The following GDPD4 variants were observed in gnomAD, a reference collection of about 807,000 sequenced individuals.
The protein encoded by GDPD4 is glycerophosphodiester phosphodiesterase 6.
A neutral mutation model predicts 67.8 loss-of-function variants in GDPD4; 60 were observed. The observed-to-expected ratio is 0.88, with a 90% confidence interval of 0.72 to 1.10. The LOEUF (loss-of-function observed/expected upper bound fraction) is 1.10, where lower values mean the gene tolerates loss of function less well. GDPD4 is among the 50% of genes least tolerant of loss of function. The pLI, the probability that GDPD4 is intolerant of heterozygous loss-of-function variation, is 0.00. For missense variants in GDPD4, 623 were observed against 613.9 expected, an observed-to-expected ratio of 1.01 and a Z score of -0.16; for synonymous variants, 212 against 210.9, an observed-to-expected ratio of 1.00 and a Z score of -0.04.
chr11:77,216,946 G>A lies in GDPD4; in HGVS notation c.*331C>T, dbSNP rs1304116356. The A allele has an allele frequency of 1.3e-5, 9 of 702,456 alleles. No homozygotes were observed. The highest frequency in any genetic ancestry group is 3.0e-5 in the South Asian group (2 of 67,574). The allele number at this position is 702,456 out of a possible 1,614,324, so 43.5% of individuals were successfully genotyped here. On this transcript the variant is annotated 3_prime_UTR_variant, in exon 17 of 17. Transcript: ENST00000315938. ...CTTAGAGGTCTCTTATTTAAGGATAGGGGACCTCTATGGAGGGCATGGTTG... is the reference window on the plus strand; with the variant it reads ...CTTAGAGGTCTCTTATTTAAGGATAAGGGACCTCTATGGAGGGCATGGTTG...
intron 10 of GDPD4, among the ~76,000 whole-genome samples, chr11:77,261,133 A>AT (rs1959107722): frequency 6.6e-6 from 1 of 152,032 alleles, no homozygotes; most frequent in Non-Finnish European, 1.5e-5. Flanking sequence ...TTACTACTAT[A>AT]TTTTTCCTGC....
chr11:77,296,880 T>A (rs1937985635), intron 1 of GDPD4, among the ~76,000 whole-genome samples: 1 of 149,914 alleles, frequency 6.7e-6, no homozygotes, highest in African/African-American at 2.5e-5. Context: ...CAGGTGAAAC[T>A]CCGTCTCTAC....
At chr11:77,218,840 C>T (rs540541327) in intron 16 of GDPD4, among the ~76,000 whole-genome samples, 5 of 25,942 alleles carry the variant, frequency 1.9e-4, no homozygotes, top group African/African-American at 3.9e-4. Flanking sequence ...AATAGTGCCG[C>T]AATAAACAAT....
chr11:77,246,213 G>A (rs1958782944), intron 11 of GDPD4, among the ~76,000 whole-genome samples: 1 of 152,184 alleles, frequency 6.6e-6, no homozygotes, highest in Non-Finnish European at 1.5e-5. Flanking sequence ...TTGAGCCCAG[G>A]AGTTTGAGGC....
At chr11:77,281,423 AAG>A (rs1408067385) in intron 3 of GDPD4, among the ~76,000 whole-genome samples, 2 of 152,198 alleles carry the variant, frequency 1.3e-5, no homozygotes, top group Non-Finnish European at 2.9e-5. Context: ...CAGAGGGGAA[AAG>A]AGAGAGTTAC....
chr11:77,233,193 AC>A, intron 13 of GDPD4, 21 bp from the exon 14 acceptor site: 1 of 1,608,560 alleles, frequency 6.2e-7, no homozygotes, highest in Non-Finnish European at 8.5e-7. Flanking sequence ...AACAGAACCC[AC>A]AGGGGATTTA....
intron 15 of GDPD4, 31 bp from the exon 16 acceptor site, chr11:77,227,947 AG>A (rs1447383920): frequency 2.0e-6 from 3 of 1,469,514 alleles, no homozygotes; most frequent in African/African-American, 1.4e-5. Context: ...CATGAAATGA[AG>A]GGGTCTAAAG....
chr11:77,245,268 G>C lies in GDPD4; in HGVS notation c.1086+13C>G. Reference sequence around the variant, plus strand: ...CCTCCCAACCTATGTCATAAATACTGAGATAGACTTACCAGATGTTGCTCG... The same window carrying C: ...CCTCCCAACCTATGTCATAAATACTCAGATAGACTTACCAGATGTTGCTCG... On this transcript the variant is annotated intron_variant, in intron 12 of 16. Coordinates refer to ENST00000315938, the MANE Select transcript of GDPD4 (RefSeq NM_182833.3). The C allele has an allele frequency of 6.2e-7, 1 of 1,606,548 alleles. No individual in the cohort carries two copies. Among genetic ancestry groups the C allele is most frequent in the Non-Finnish European group, 8.5e-7 (1 of 1,173,180 alleles).
At chr11:77,230,705 T>C (rs1565509823) in intron 14 of GDPD4, among the ~76,000 whole-genome samples, 1 of 152,192 alleles carries the variant, frequency 6.6e-6, no homozygotes, top group Non-Finnish European at 1.5e-5. Context: ...AGTATGTATG[T>C]GGCATACTGT....
chr11:77,227,951 G>A, intron 15 of GDPD4, 35 bp from the exon 16 acceptor site: 1 of 1,442,344 alleles, frequency 6.9e-7, no homozygotes, highest in Non-Finnish European at 9.8e-7. Flanking sequence ...AAATGAAGGG[G>A]TCTAAAGAAT....
intron 11 of GDPD4, among the ~76,000 whole-genome samples, chr11:77,254,372 G>A (rs1958962404): frequency 6.6e-6 from 1 of 152,106 alleles, no homozygotes; most frequent in African/African-American, 2.4e-5. Flanking sequence ...TCTCTATGTG[G>A]GTCTCCTGAG....
chr11:77,299,514 T>C (rs1232482060), intron 1 of GDPD4, among the ~76,000 whole-genome samples: 1 of 152,234 alleles, frequency 6.6e-6, no homozygotes, highest in African/African-American at 2.4e-5. Flanking sequence ...TCCTAGAGCG[T>C]ATGTTCCACA....
At chr11:77,260,384 A>C (rs924959390) in intron 10 of GDPD4, among the ~76,000 whole-genome samples, 7 of 152,216 alleles carry the variant, frequency 4.6e-5, no homozygotes, top group African/African-American at 1.7e-4. Context: ...GATCCTCTAA[A>C]AAAGAGCTTA....
rs975557314 is a variant in GDPD4, at chr11:77,254,595, T to C, written c.864+3791A>G. ...CCTTCATTAATGTGATAAATAAAAC[T>C]TGTACTCATGCCAACTATGTATCTG... On this transcript the variant is annotated intron_variant, in intron 11 of 16. Coordinates refer to ENST00000315938, the MANE Select transcript of GDPD4 (RefSeq NM_182833.3). Among the ~76,000 whole-genome samples, 4 of 152,226 alleles carry C rather than the reference T, an allele frequency of 2.6e-5. No homozygotes were observed. In the East Asian group the frequency reaches 5.8e-4, roughly 22 times the overall value.
intron 16 of GDPD4, among the ~76,000 whole-genome samples, chr11:77,222,026 T>C (rs181436896): frequency 0.072 from 10,887 of 152,208 alleles, 1,349 homozygotes; most frequent in African/African-American, 0.25. Flanking sequence ...AAGTCTGTTT[T>C]ATCAGAGACT....
chr11:77,270,068 T>C (rs1443536774), intron 7 of GDPD4, 108 bp from the exon 8 acceptor site: 5 of 592,826 alleles, frequency 8.4e-6, no homozygotes, highest in Non-Finnish European at 1.5e-5. Flanking sequence ...CATATATATA[T>C]AAACACACAA....
In GDPD4 at chr11:77,276,195, T is replaced by C; in HGVS notation, c.173A>G (p.Glu58Gly). The C allele has an allele frequency of 1.2e-6, 2 of 1,613,772 alleles. No individual in the cohort carries two copies. The highest frequency in any genetic ancestry group is 1.7e-6 in the Non-Finnish European group (2 of 1,179,780). The change falls in exon 5 of 17, where the codon GAA (glutamate) becomes GGA (glycine). Residue 58 changes from glutamate (E) to glycine (G), a missense_variant. Transcript: ENST00000315938. The part of the protein sequence containing the change: ...LLLLGFLLLW[E>G]RIELYLHLCH... ...CAAGTGCAGGTATAGTTCAATCCTTTCCCAAAGCAACAAAAATCCAAGTAA... is the reference window on the plus strand; with the variant it reads ...CAAGTGCAGGTATAGTTCAATCCTTCCCCAAAGCAACAAAAATCCAAGTAA...
intron 16 of GDPD4, among the ~76,000 whole-genome samples, chr11:77,218,410 T>TTTAAG (rs1958166214): frequency 6.6e-6 from 1 of 152,172 alleles, no homozygotes; most frequent in East Asian, 1.9e-4. Context: ...ATTATTATAC[T>TTTAAG]TTAAGTTCTA....
intron 1 of GDPD4, among the ~76,000 whole-genome samples, chr11:77,290,738 A>C (rs1401974484): frequency 3.3e-5 from 5 of 152,212 alleles, no homozygotes; most frequent in African/African-American, 1.2e-4. Flanking sequence ...CTATTTCTCA[A>C]CAGAAGACAT....
Sources: allele counts gnomAD v4.1 joint callset (sites outside exome capture counted in the v4.1 genomes callset), GRCh38; gene constraint gnomAD v4.1.1; transcripts MANE v1.5; gene names NCBI Gene and HGNC (gene_info 2026-07-23, HGNC 2026-07-21).